The following PTPRG variants were observed in gnomAD, a reference collection of about 807,000 sequenced individuals.
PTPRG encodes receptor-type tyrosine-protein phosphatase gamma.
Under a neutral mutation model 165.3 loss-of-function variants are expected in PTPRG, and 102 were observed. The ratio of observed to expected loss-of-function variants is 0.62; its 90% CI spans 0.53 to 0.73. PTPRG has a LOEUF of 0.73. PTPRG is among the 30% of genes least tolerant of loss of function. The pLI, the probability that PTPRG is intolerant of heterozygous loss-of-function variation, is 0.00. For missense variants in PTPRG, 1,866 were observed against 1,861.4 expected (o/e 1.00, Z -0.05); for synonymous variants, 675 against 669.5 (o/e 1.01, Z -0.13).
At chr3:62,146,418 C>T (rs1312168839) in intron 6 of PTPRG, among the ~76,000 whole-genome samples, 2 of 152,108 alleles carry the variant, frequency 1.3e-5, no homozygotes, top group Admixed American at 6.6e-5. Flanking sequence ...CCCTCCCAGG[C>T]CACCTGCTTC....
At chr3:61,665,356 T>TC (rs973519188) in intron 1 of PTPRG, among the ~76,000 whole-genome samples, 1 of 152,138 alleles carries the variant, frequency 6.6e-6, no homozygotes, top group Non-Finnish European at 1.5e-5. Flanking sequence ...AGTCAATGAT[T>TC]TTTTTATAGC....
At chr3:62,293,099 C>T in intron 29 of PTPRG, 62 bp from the exon 30 acceptor site, 1 of 1,355,972 alleles carries the variant, frequency 7.4e-7, no homozygotes, top group South Asian at 1.7e-5. Context: ...ATTGGTATTT[C>T]CACCTTATGT....
At chr3:61,666,067 C>T (rs1702805387) in intron 1 of PTPRG, among the ~76,000 whole-genome samples, 1 of 150,134 alleles carries the variant, frequency 6.7e-6, no homozygotes, top group Admixed American at 6.6e-5. Flanking sequence ...AAATAAAGAA[C>T]GATGTTAACC....
At chr3:61,736,208 A>ATTTTTTT (rs527807808) in intron 1 of PTPRG, among the ~76,000 whole-genome samples, 1 of 141,766 alleles carries the variant, frequency 7.1e-6, no homozygotes, top group Non-Finnish European at 1.6e-5. Context: ...GCACCCGGCC[A>ATTTTTTT]TTTTTTTTTT....
intron 1 of PTPRG, among the ~76,000 whole-genome samples, chr3:61,622,301 TG>T (rs1701481912): frequency 6.6e-6 from 1 of 152,204 alleles, no homozygotes; most frequent in South Asian, 2.1e-4. Flanking sequence ...TCAGAAGACT[TG>T]CTTTGAAATT....
At chr3:61,601,891 G>T (rs1351195990) in intron 1 of PTPRG, among the ~76,000 whole-genome samples, 3 of 152,198 alleles carry the variant, frequency 2.0e-5, no homozygotes, top group Admixed American at 1.3e-4. Context: ...AGGAGGTAAA[G>T]TTAAAAGTTA....
At chr3:62,010,102 A>G (rs2107736239) in intron 4 of PTPRG, among the ~76,000 whole-genome samples, 1 of 152,080 alleles carries the variant, frequency 6.6e-6, no homozygotes, top group Middle Eastern at 3.4e-3. Flanking sequence ...TATTTTTTGT[A>G]GAGACAAGGT....
At chr3:61,966,482 A>G (rs550531593) in intron 2 of PTPRG, among the ~76,000 whole-genome samples, 2 of 152,284 alleles carry the variant, frequency 1.3e-5, no homozygotes, top group East Asian at 1.9e-4. Flanking sequence ...TTGTTTTACA[A>G]TGGGGTGTGC....
intron 2 of PTPRG, among the ~76,000 whole-genome samples, chr3:61,768,390 A>G (rs1559601506): frequency 6.6e-6 from 1 of 152,190 alleles, no homozygotes; most frequent in Non-Finnish European, 1.5e-5. Flanking sequence ...AGCCTCTGGG[A>G]GTAGAGTTTC....
At chr3:61,671,491 G>A (rs1036487497) in intron 1 of PTPRG, among the ~76,000 whole-genome samples, 12 of 150,530 alleles carry the variant, frequency 8.0e-5, no homozygotes, top group African/African-American at 2.9e-4. Flanking sequence ...CAAGGCAGAA[G>A]AATTTTTCTT....
intron 1 of PTPRG, among the ~76,000 whole-genome samples, chr3:61,584,655 C>T (rs1365142335): frequency 2.0e-5 from 3 of 151,694 alleles, no homozygotes; most frequent in Non-Finnish European, 2.9e-5. Context: ...TATGTTATCC[C>T]GCTTTGATCT....
In PTPRG at chr3:61,758,358, G is replaced by A. The variant is rs73107197; in HGVS notation, c.190+9376G>A. Among the ~76,000 whole-genome samples, 975 of 152,252 alleles carry A rather than the reference G, an allele frequency of 6.4e-3. 6 individuals carry two copies. Among genetic ancestry groups the A allele is most frequent in the Admixed American group, 0.011 (175 of 15,302 alleles). On this transcript the variant is annotated intron_variant, in intron 2 of 29. Coordinates refer to ENST00000474889, the MANE Select transcript of PTPRG (RefSeq NM_002841.4). ...CTCTGGATATTGTTAAACTACTTAC[G>A]TAGAATTTTGTTTGGTAAATAACAT...
chr3:61,909,084 G>C (rs577860757), intron 2 of PTPRG, among the ~76,000 whole-genome samples: 4 of 152,168 alleles, frequency 2.6e-5, no homozygotes, highest in Admixed American at 6.5e-5. Flanking sequence ...TTAATGGCAA[G>C]GCTATTCTTG....
chr3:62,251,298 T>C (rs1449459933), intron 15 of PTPRG, among the ~76,000 whole-genome samples: 4 of 152,148 alleles, frequency 2.6e-5, no homozygotes, highest in African/African-American at 7.2e-5. Context: ...GGTGGAAGGA[T>C]TGCTTGAGGC....
intron 2 of PTPRG, among the ~76,000 whole-genome samples, chr3:61,874,675 CAG>C (rs935847221): frequency 6.6e-6 from 1 of 152,110 alleles, no homozygotes; most frequent in Non-Finnish European, 1.5e-5. Flanking sequence ...GGCTTTGGGA[CAG>C]GGGGAGTGTG....
At chr3:61,753,744 C>G in intron 2 of PTPRG, 1 of 358,292 alleles carries the variant, frequency 2.8e-6, no homozygotes, top group Non-Finnish European at 5.4e-6. Flanking sequence ...TAGGTGTGCA[C>G]AATCACACTC....
At chr3:61,703,328 T>C (rs543710736) in intron 1 of PTPRG, among the ~76,000 whole-genome samples, 53 of 152,348 alleles carry the variant, frequency 3.5e-4, no homozygotes, top group African/African-American at 1.2e-3. Context: ...CTTATCAGTA[T>C]TGATTTAGCC....
chr3:61,754,983 T>C (rs1024702515), intron 2 of PTPRG, among the ~76,000 whole-genome samples: 17 of 151,676 alleles, frequency 1.1e-4, no homozygotes, highest in Admixed American at 6.0e-4. Flanking sequence ...GAGACCTCCT[T>C]CTTCTTCTTC....
intron 1 of PTPRG, among the ~76,000 whole-genome samples, chr3:61,678,883 G>T (rs1410910690): frequency 4.0e-5 from 6 of 151,830 alleles, no homozygotes; most frequent in Non-Finnish European, 8.8e-5. Flanking sequence ...CCTAAGTTTT[G>T]GGAGGCCTCC....
Sources: gnomAD v4.1 joint callset for allele counts (sites outside exome capture counted in the v4.1 genomes callset) on GRCh38, gnomAD v4.1.1 for gene constraint, MANE v1.5 for transcripts, NCBI Gene and HGNC (gene_info 2026-07-23, HGNC 2026-07-21) for gene names.